The following ST6GALNAC3 variants were observed in gnomAD, a reference collection of about 807,000 sequenced individuals.
The protein encoded by ST6GALNAC3 is alpha-N-acetylgalactosaminide alpha-2,6-sialyltransferase 3.
Under a neutral mutation model 32.7 loss-of-function variants are expected in ST6GALNAC3, and 25 were observed. The observed-to-expected ratio is 0.76, with a 90% CI of 0.56 to 1.07. The LOEUF is 1.07. Ranked by LOEUF, ST6GALNAC3 falls within the 50% of genes least tolerant of loss-of-function variation. ST6GALNAC3 has a pLI of 0.00. For missense variants in ST6GALNAC3, 355 were observed against 382.4 expected (o/e 0.93, Z 0.60); for synonymous variants, 129 against 133.1 (o/e 0.97, Z 0.21).
chr1:76,279,613 G>C (rs1659378903), intron 1 of ST6GALNAC3, among the ~76,000 whole-genome samples: 2 of 152,188 alleles, frequency 1.3e-5, no homozygotes, highest in Non-Finnish European at 2.9e-5. Flanking sequence ...TGCAGCACTT[G>C]AGCTGGTTCA....
At position 76,463,467 on chromosome 1, in the gene ST6GALNAC3, C is replaced by T. The variant is rs770225088; in HGVS notation, c.623+51050C>T. Among the ~76,000 whole-genome samples the T allele has an allele frequency of 5.8e-4, 89 of 152,146 alleles. 1 individual carries two copies. The highest frequency in any genetic ancestry group is 1.5e-4 in the Non-Finnish European group (10 of 68,016). On this transcript the variant is annotated intron_variant, in intron 3 of 4. Coordinates refer to ENST00000328299, the MANE Select transcript of ST6GALNAC3 (RefSeq NM_152996.4). ...TGTCTATTTTCGTATTTCTCTATGA[C>T]TCTGCAGAGCCAAGCTTTTGATCGG...
chr1:76,361,067 T>A (rs1570824), intron 2 of ST6GALNAC3, among the ~76,000 whole-genome samples: 2,595 of 152,212 alleles, frequency 0.017, 41 homozygotes, highest in East Asian at 0.052. Context: ...CTTTTTTTTT[T>A]AATTGTTATA....
intron 3 of ST6GALNAC3, among the ~76,000 whole-genome samples, chr1:76,616,284 A>T (rs969210747): frequency 2.2e-4 from 33 of 152,172 alleles, no homozygotes; most frequent in Admixed American, 3.3e-4. Context: ...CTCCTTTCAA[A>T]CTCAACCCAT....
chr1:76,301,513 T>A (rs1485713731), intron 1 of ST6GALNAC3, among the ~76,000 whole-genome samples: 1 of 152,070 alleles, frequency 6.6e-6, no homozygotes, highest in Non-Finnish European at 1.5e-5. Context: ...TATATTGTTT[T>A]AGTGATTCAA....
chr1:76,224,354 G>A (rs1282436263), intron 1 of ST6GALNAC3, among the ~76,000 whole-genome samples: 1 of 152,204 alleles, frequency 6.6e-6, no homozygotes, highest in Non-Finnish European at 1.5e-5. Flanking sequence ...CCAGCCCAGA[G>A]GAAGGTACTG....
intron 1 of ST6GALNAC3, among the ~76,000 whole-genome samples, chr1:76,165,361 A>G (rs1221808118): frequency 6.6e-6 from 1 of 152,112 alleles, no homozygotes; most frequent in African/African-American, 2.4e-5. Context: ...GTTCCTTTTA[A>G]TGGTTGCATA....
rs1647672707 is a variant in ST6GALNAC3, at chr1:76,608,015, G to A, written c.624-19437G>A. 2.0e-5 allele frequency among the ~76,000 whole-genome samples: 3 copies of A among 152,148 alleles called. No individual in the cohort carries two copies. The South Asian group carries it at 6.2e-4, about 31-fold the overall frequency. ...GATGAGCCAATCAGTCCACACAAAC[G>A]GAAGTTTTCATAGGCCTGTGACAGA... On this transcript the variant is annotated intron_variant, in intron 3 of 4. Transcript: ENST00000328299.
intron 1 of ST6GALNAC3, among the ~76,000 whole-genome samples, chr1:76,195,402 C>T (rs934518748): frequency 8.5e-5 from 13 of 152,144 alleles, no homozygotes; most frequent in Admixed American, 8.5e-4. Flanking sequence ...ATACATTTTC[C>T]CATTTCATCA....
At chr1:76,605,486 TTCTA>T (rs1319811408) in intron 3 of ST6GALNAC3, among the ~76,000 whole-genome samples, 1 of 152,056 alleles carries the variant, frequency 6.6e-6, no homozygotes, top group Non-Finnish European at 1.5e-5. Context: ...TTTGCAATCT[TTCTA>T]TCTGACAAAG....
chr1:76,266,640 C>T (rs1658543354), intron 1 of ST6GALNAC3, among the ~76,000 whole-genome samples: 1 of 152,192 alleles, frequency 6.6e-6, no homozygotes, highest in Non-Finnish European at 1.5e-5. Flanking sequence ...TAACAATTGG[C>T]TTAGTAGGTG....
chr1:76,390,377 AAT>A (rs1351158468), intron 2 of ST6GALNAC3, among the ~76,000 whole-genome samples: 9 of 152,238 alleles, frequency 5.9e-5, no homozygotes, highest in Non-Finnish European at 1.3e-4. Flanking sequence ...GATGTTAAGT[AAT>A]AGAGATTAGT....
intron 3 of ST6GALNAC3, among the ~76,000 whole-genome samples, chr1:76,563,875 T>C (rs1272274342): frequency 6.6e-6 from 1 of 152,220 alleles, no homozygotes; most frequent in Non-Finnish European, 1.5e-5. Flanking sequence ...CTTTGGCTAA[T>C]AGGCAGTAAA....
At chr1:76,601,372 G>T (rs1295497761) in intron 3 of ST6GALNAC3, among the ~76,000 whole-genome samples, 1 of 152,140 alleles carries the variant, frequency 6.6e-6, no homozygotes, top group African/African-American at 2.4e-5. Context: ...GAAGTATGTA[G>T]TTATTTTCAG....
intron 3 of ST6GALNAC3, among the ~76,000 whole-genome samples, chr1:76,488,916 C>T (rs2101684252): frequency 6.6e-6 from 1 of 152,294 alleles, no homozygotes; most frequent in East Asian, 1.9e-4. Context: ...GCAAGCTCCA[C>T]TCATAGAAAT....
At chr1:76,573,665 T>TC (rs1220318257) in intron 3 of ST6GALNAC3, among the ~76,000 whole-genome samples, 2 of 60,122 alleles carry the variant, frequency 3.3e-5, no homozygotes, top group African/African-American at 4.9e-4. Context: ...TTTCTTCTCC[T>TC]TTTTTTTTTG....
chr1:76,366,197 G>A (rs1007317306), intron 2 of ST6GALNAC3, among the ~76,000 whole-genome samples: 5 of 152,014 alleles, frequency 3.3e-5, no homozygotes, highest in Admixed American at 6.6e-5. Context: ...TTTTAACCCA[G>A]CTTAAATTTC....
At chr1:76,610,866 C>T (rs1334954681) in intron 3 of ST6GALNAC3, among the ~76,000 whole-genome samples, 1 of 152,124 alleles carries the variant, frequency 6.6e-6, no homozygotes, top group African/African-American at 2.4e-5. Context: ...GATTACTCCA[C>T]ATTAAAAAGC....
At chr1:76,183,261 A>G (rs1213108265) in intron 1 of ST6GALNAC3, among the ~76,000 whole-genome samples, 3 of 152,068 alleles carry the variant, frequency 2.0e-5, no homozygotes, top group Non-Finnish European at 4.4e-5. Flanking sequence ...TCTCCAGTTC[A>G]TTTGTTTATT....
At chr1:76,450,945 A>G (rs1657349645) in intron 3 of ST6GALNAC3, among the ~76,000 whole-genome samples, 1 of 152,170 alleles carries the variant, frequency 6.6e-6, no homozygotes, top group Admixed American at 6.6e-5. Flanking sequence ...TGTTTTGGTG[A>G]CTATGGCCTT....
Sources: gnomAD v4.1 joint callset for allele counts (sites outside exome capture counted in the v4.1 genomes callset) on GRCh38, gnomAD v4.1.1 for gene constraint, MANE v1.5 for transcripts, NCBI Gene and HGNC (gene_info 2026-07-23, HGNC 2026-07-21) for gene names.